Variants in BRINP3 observed in about 807,000 individuals in gnomAD.
BRINP3 encodes the protein BMP/retinoic acid inducible neural specific 3.
BRINP3 carries 19 observed loss-of-function variants against 71.0 expected under a neutral mutation model. The ratio of observed to expected loss-of-function variants is 0.27; its 90% CI spans 0.19 to 0.39. The LOEUF (loss-of-function observed/expected upper bound fraction) is 0.39. Among genes scored for constraint, BRINP3 ranks in the 10% least tolerant of loss-of-function variants. The pLI, the probability that BRINP3 is intolerant of heterozygous loss-of-function variation, is 1.00. For missense variants in BRINP3, 959 were observed against 940.8 expected (o/e 1.02, Z -0.25); for synonymous variants, 380 against 337.7 (o/e 1.13, Z -1.37).
intron 7 of BRINP3, among the ~76,000 whole-genome samples, chr1:190,114,814 C>T (rs1390306298): frequency 2.0e-5 from 3 of 152,124 alleles, no homozygotes; most frequent in Non-Finnish European, 4.4e-5. Context: ...TTGAATAATA[C>T]ACATTTGCTT....
At chr1:190,133,448 C>T (rs1254663533) in intron 7 of BRINP3, among the ~76,000 whole-genome samples, 4 of 151,890 alleles carry the variant, frequency 2.6e-5, no homozygotes, top group Non-Finnish European at 5.9e-5. Flanking sequence ...GGACATGCAG[C>T]AGCATATTTA....
At chr1:190,391,661 T>C (rs1671258856) in intron 2 of BRINP3, among the ~76,000 whole-genome samples, 1 of 151,740 alleles carries the variant, frequency 6.6e-6, no homozygotes, top group Non-Finnish European at 1.5e-5. Context: ...CATGTTCTTT[T>C]CAGTCACTTT....
rs1291879796 is a variant in BRINP3, at chr1:190,352,263, C to CA, written c.237-70514dup. Among the ~76,000 whole-genome samples, 4 of 152,066 alleles carry CA rather than the reference C, an allele frequency of 2.6e-5. No individual in the cohort carries two copies. In the East Asian group the frequency reaches 7.7e-4, roughly 29 times the overall value. On this transcript the variant is annotated intron_variant, in intron 2 of 7. Transcript: ENST00000367462. ...GTTTTAGACCAAAAATATAGTTAAA[C>CA]ACAATTCACAGGAATCAGTAAACCT...
rs535753333 is a variant in BRINP3 at position 190,401,575 on chromosome 1, G to T, written c.236+53080C>A. Among the ~76,000 whole-genome samples, 43 of 152,030 alleles carry T rather than the reference G, an allele frequency of 2.8e-4. 1 individual carries two copies. The highest frequency in any genetic ancestry group is 1.0e-3 in the African/African-American group (42 of 41,462). The stretch of plus-strand genomic sequence containing the variant: ...TAAAAATGCAAATTCTTGCCACATT[G>T]CAGACCTATGGAATCGGAAATCTGA... On this transcript the variant is annotated intron_variant, in intron 2 of 7. Coordinates refer to ENST00000367462, the MANE Select transcript of BRINP3 (RefSeq NM_199051.3).
intron 2 of BRINP3, among the ~76,000 whole-genome samples, chr1:190,379,659 T>C (rs973959316): frequency 1.3e-4 from 20 of 151,812 alleles, no homozygotes; most frequent in African/African-American, 4.8e-4. Flanking sequence ...GTAAGCAAAA[T>C]TTGCAGAGAT....
intron 2 of BRINP3, among the ~76,000 whole-genome samples, chr1:190,308,765 T>C (rs2103018891): frequency 6.6e-6 from 1 of 152,136 alleles, no homozygotes; most frequent in South Asian, 2.1e-4. Context: ...AAGAAAGATA[T>C]TAACAAAGGT....
chr1:190,216,785 G>A (rs1227843646), intron 6 of BRINP3, among the ~76,000 whole-genome samples: 1 of 151,666 alleles, frequency 6.6e-6, no homozygotes, highest in East Asian at 1.9e-4. Flanking sequence ...TTTTTGTATG[G>A]TACCAGTTAT....
chr1:190,166,963 G>A (rs971006743), intron 6 of BRINP3, among the ~76,000 whole-genome samples: 1 of 152,050 alleles, frequency 6.6e-6, no homozygotes, highest in African/African-American at 2.4e-5. Flanking sequence ...GACCTCGGGT[G>A]ATCTGCCCGC....
At chr1:190,374,684 C>T (rs1017707244) in intron 2 of BRINP3, among the ~76,000 whole-genome samples, 3 of 151,610 alleles carry the variant, frequency 2.0e-5, no homozygotes, top group Admixed American at 2.0e-4. Flanking sequence ...TGAGAGACAA[C>T]TTATTTATAA....
intron 4 of BRINP3, among the ~76,000 whole-genome samples, chr1:190,249,376 A>G (rs527770151): frequency 6.6e-6 from 1 of 151,948 alleles, no homozygotes; most frequent in Non-Finnish European, 1.5e-5. Flanking sequence ...TATTTCTAGC[A>G]ATTACAGGAT....
At chr1:190,300,836 G>A (rs886610819) in intron 2 of BRINP3, among the ~76,000 whole-genome samples, 6 of 152,006 alleles carry the variant, frequency 3.9e-5, no homozygotes, top group African/African-American at 9.7e-5. Flanking sequence ...AAAAAACAGA[G>A]CAGAAAAACT....
intron 7 of BRINP3, among the ~76,000 whole-genome samples, chr1:190,158,129 G>A (rs1026560181): frequency 1.3e-5 from 2 of 152,090 alleles, no homozygotes; most frequent in Non-Finnish European, 2.9e-5. Flanking sequence ...CCCCGTGGGA[G>A]GTAATTGAAT....
chr1:190,345,879 G>A (rs1667992573), intron 2 of BRINP3, among the ~76,000 whole-genome samples: 1 of 151,782 alleles, frequency 6.6e-6, no homozygotes, highest in African/African-American at 2.4e-5. Flanking sequence ...TCCTAAAATT[G>A]ATTCCAAATA....
At chr1:190,163,065 C>A (rs964050325) in intron 6 of BRINP3, among the ~76,000 whole-genome samples, 2 of 152,006 alleles carry the variant, frequency 1.3e-5, no homozygotes, top group African/African-American at 2.4e-5. Context: ...ACTTAGAAGA[C>A]CCCCGGAAAT....
chr1:190,167,427 T>C (rs1651653816), intron 6 of BRINP3, among the ~76,000 whole-genome samples: 1 of 152,066 alleles, frequency 6.6e-6, no homozygotes, highest in Non-Finnish European at 1.5e-5. Context: ...TGCCTGCATA[T>C]AATTGAATGA....
intron 6 of BRINP3, among the ~76,000 whole-genome samples, chr1:190,212,475 TGA>T (rs1290205186): frequency 2.0e-5 from 3 of 152,048 alleles, no homozygotes; most frequent in Non-Finnish European, 4.4e-5. Flanking sequence ...CTGGAAAACA[TGA>T]GATAGCAAGA....
intron 7 of BRINP3, among the ~76,000 whole-genome samples, chr1:190,140,512 T>G (rs1257758286): frequency 6.6e-6 from 1 of 152,162 alleles, no homozygotes; most frequent in Non-Finnish European, 1.5e-5. Flanking sequence ...TACTATTAAT[T>G]ATTAATCTTA....
chr1:190,470,543 A>G (rs1309078499), intron 1 of BRINP3, among the ~76,000 whole-genome samples: 1 of 151,130 alleles, frequency 6.6e-6, no homozygotes, highest in South Asian at 2.1e-4. Context: ...ACAAATACTT[A>G]TAAAAAAATA....
chr1:190,212,599 C>T (rs1305361954), intron 6 of BRINP3, among the ~76,000 whole-genome samples: 1 of 152,100 alleles, frequency 6.6e-6, no homozygotes, highest in African/African-American at 2.4e-5. Context: ...TAACTGTTTG[C>T]AAATATTCTG....
Sources: gnomAD v4.1 joint callset for allele counts (sites outside exome capture counted in the v4.1 genomes callset) on GRCh38, gnomAD v4.1.1 for gene constraint, MANE v1.5 for transcripts, NCBI Gene and HGNC (gene_info 2026-07-23, HGNC 2026-07-21) for gene names.